Variants in OTOGL observed in about 807,000 individuals in gnomAD.
OTOGL encodes the protein otogelin-like protein.
In OTOGL, 285 loss-of-function variants were observed where a neutral mutation model predicts 318.5. The observed-to-expected ratio is 0.89, with a 90% CI of 0.81 to 0.99. The LOEUF (loss-of-function observed/expected upper bound fraction) is 0.99, where lower values mean the gene tolerates loss of function less well. OTOGL is among the 50% of genes least tolerant of loss of function. OTOGL has a pLI of 0.00. For synonymous variants in OTOGL, 987 were observed against 936.5 expected (o/e 1.05, Z -0.99); for missense variants, 2,899 against 2,845.6 (o/e 1.02, Z -0.43).
chr12:80,173,194 G>A (rs1874321358), intron 1 of OTOGL, among the ~76,000 whole-genome samples: 1 of 151,412 alleles, frequency 6.6e-6, no homozygotes, highest in South Asian at 2.1e-4. Flanking sequence ...TATAAAGGGA[G>A]AGCAAGTTTA....
chr12:80,331,441 A>G (rs1449025912), intron 37 of OTOGL, among the ~76,000 whole-genome samples: 1 of 149,068 alleles, frequency 6.7e-6, no homozygotes, highest in African/African-American at 2.5e-5. Flanking sequence ...CCCAAGTTCA[A>G]GCAACTCTCC....
chr12:80,141,410 G>A (rs529329040), intron 1 of OTOGL, among the ~76,000 whole-genome samples: 28 of 152,206 alleles, frequency 1.8e-4, no homozygotes, highest in Non-Finnish European at 3.8e-4. Flanking sequence ...TTTTAGGTAT[G>A]GAATATAGAA....
chr12:80,215,629 A>C (rs1018189631), intron 4 of OTOGL, among the ~76,000 whole-genome samples: 1 of 152,214 alleles, frequency 6.6e-6, no homozygotes, highest in Non-Finnish European at 1.5e-5. Context: ...GATAGGCCCT[A>C]TAAGGTAGAA....
intron 26 of OTOGL, among the ~76,000 whole-genome samples, chr12:80,295,545 T>C (rs1885336158): frequency 1.3e-5 from 2 of 152,324 alleles, no homozygotes; most frequent in East Asian, 3.9e-4. Context: ...TGTCTCAAAA[T>C]GGAAAAGATT....
intron 1 of OTOGL, among the ~76,000 whole-genome samples, chr12:80,161,634 T>G (rs1873523956): frequency 6.6e-6 from 1 of 152,092 alleles, no homozygotes; most frequent in African/African-American, 2.4e-5. Flanking sequence ...AAGGGTATCT[T>G]AGATAACTAA....
rs748137263 is a variant in OTOGL, at chr12:80,257,990, G to A, written c.1877G>A (p.Arg626Lys). The change falls in exon 18 of 59, where the codon AGG becomes AAG. Residue 626 changes from arginine (R) to lysine (K), a missense_variant. By Grantham distance (26) the Arg-to-Lys change is conservative (BLOSUM62 2). This residue lies in a region of OTOGL where 2,607 missense variants were observed against 2,524.9 expected (regional missense o/e 1.03). Coordinates refer to ENST00000547103, the MANE Select transcript of OTOGL (RefSeq NM_001378609.3). ...GLCGTFNGNIRDDFLSPSGMI... is the reference protein window; with the variant it reads ...GLCGTFNGNIKDDFLSPSGMI... ...TGTGGCACTTTTAATGGCAACATAA[G>A]GGATGATTTTCTGTAAGTATGATTT... 2.0e-5 allele frequency: 31 copies of A among 1,581,174 alleles called. No individual in the cohort carries two copies. In the East Asian group the frequency reaches 6.5e-4, roughly 33 times the overall value.
intron 3 of OTOGL, among the ~76,000 whole-genome samples, 165 bp from the exon 4 acceptor site, chr12:80,211,784 C>A (rs1877274136): frequency 6.6e-6 from 1 of 152,148 alleles, no homozygotes; most frequent in African/African-American, 2.4e-5. Context: ...CCAAATCTAA[C>A]CCCTCCAGAA....
chr12:80,160,092 C>T (rs745398792), intron 1 of OTOGL, among the ~76,000 whole-genome samples: 2 of 152,062 alleles, frequency 1.3e-5, no homozygotes, highest in South Asian at 4.1e-4. Context: ...ATACAAAAAT[C>T]AATCTGAGAT....
In OTOGL at chr12:80,320,591, G is replaced by A. The variant is rs770849803; in HGVS notation, c.3972G>A (p.Glu1324=). Residue 1324 remains glutamate, a synonymous_variant, in exon 34 of 59, where the codon GAG becomes GAA. Coordinates refer to ENST00000547103, the MANE Select transcript of OTOGL (RefSeq NM_001378609.3). ...GGATTCCTGGTTACAGTGCATTTGA[G>A]TTATACAGCAAGAAAGGCTTTTTCA... ...GLWIPGYSAF[E]LYSKKGFFII... The A allele has an allele frequency of 3.7e-6, 6 of 1,613,012 alleles. No individual in the cohort carries two copies. The Admixed American group carries it at 6.7e-5, about 18-fold the overall frequency.
chr12:80,367,304 G>GTA, intron 53 of OTOGL, among the ~76,000 whole-genome samples: 1 of 152,112 alleles, frequency 6.6e-6, no homozygotes, highest in Non-Finnish European at 1.5e-5. Flanking sequence ...TTGCTATAAA[G>GTA]TATAGCTTTT....
chr12:80,361,881 C>A (rs1221055429), intron 52 of OTOGL, among the ~76,000 whole-genome samples: 1 of 152,022 alleles, frequency 6.6e-6, no homozygotes, highest in African/African-American at 2.4e-5. Context: ...TGGATATTAA[C>A]CCATTATTTG....
chr12:80,259,070 G>A (rs1284250587), intron 18 of OTOGL, among the ~76,000 whole-genome samples: 1 of 151,476 alleles, frequency 6.6e-6, no homozygotes, highest in Non-Finnish European at 1.5e-5. Flanking sequence ...CTCTGTAAAT[G>A]TATATAATTT....
At chr12:80,104,652 C>G (rs1195787487) in intron 1 of OTOGL, among the ~76,000 whole-genome samples, 1 of 152,012 alleles carries the variant, frequency 6.6e-6, no homozygotes, top group Non-Finnish European at 1.5e-5. Context: ...TGGGAGAGAG[C>G]TGCCTAGTTG....
At chr12:80,295,428 C>T (rs564817571) in intron 26 of OTOGL, among the ~76,000 whole-genome samples, 21 of 152,230 alleles carry the variant, frequency 1.4e-4, no homozygotes, top group African/African-American at 3.9e-4. Context: ...CTGCCTGCCT[C>T]GGCCTCCCAA....
intron 32 of OTOGL, among the ~76,000 whole-genome samples, chr12:80,316,561 A>G (rs1886986185): frequency 6.6e-6 from 1 of 152,128 alleles, no homozygotes; most frequent in South Asian, 2.1e-4. Context: ...CATTTGTAAT[A>G]CCGTATTGAT....
intron 1 of OTOGL, among the ~76,000 whole-genome samples, chr12:80,202,089 C>T (rs1219091890): frequency 6.6e-6 from 1 of 152,100 alleles, no homozygotes; most frequent in African/African-American, 2.4e-5. Flanking sequence ...ACCAATAGAG[C>T]ACTTAATAGA....
In OTOGL at chr12:80,256,434, G is replaced by T. The variant is rs1279929440; in HGVS notation, c.1685G>T (p.Ser562Ile). The T allele has an allele frequency of 1.3e-6, 2 of 1,586,054 alleles. No individual in the cohort carries two copies. Among genetic ancestry groups the T allele is most frequent in the East Asian group, 4.5e-5 (2 of 44,578 alleles). Reference sequence around the variant, plus strand: ...GGTAGGGGAGGACAAATTCTCACTAGTCCTAACCAAGGCTTCAACCTGAAT... The same window carrying T: ...GGTAGGGGAGGACAAATTCTCACTATTCCTAACCAAGGCTTCAACCTGAAT... ...TLGRGGQILT[S>I]PNQGFNLNGI... The change falls in exon 17 of 59, where the codon AGT (serine) becomes ATT (isoleucine). Residue 562 changes from serine (S) to isoleucine (I), a missense_variant. Physicochemically the swap from Ser to Ile is moderately radical, Grantham distance 142. This residue lies in a region of OTOGL where 2,607 missense variants were observed against 2,524.9 expected (regional missense o/e 1.03). Transcript: ENST00000547103.
In OTOGL at chr12:80,336,485, C is replaced by T; in HGVS notation, c.4673C>T (p.Ala1558Val). ...AACAACGCAGCATTATATAGCATGG[C>T]TTCTTATATCTTAGTAAGAATTCCT... Reference protein sequence around the residue: ...DGNNAALYSMASYILVRIPGE... With the variant: ...DGNNAALYSMVSYILVRIPGE... Residue 1558 changes from alanine to valine, a missense_variant, in exon 40 of 59, where the codon GCT (alanine) becomes GTT (valine). Ala to Val is a moderately conservative substitution (Grantham distance 64, BLOSUM62 0). Coordinates refer to ENST00000547103, the MANE Select transcript of OTOGL (RefSeq NM_001378609.3). 1.2e-6 allele frequency: 2 copies of T among 1,608,042 alleles called. No individual in the cohort carries two copies. The highest frequency in any genetic ancestry group is 1.7e-6 in the Non-Finnish European group (2 of 1,175,162).
At chr12:80,329,015 TAC>T in intron 36 of OTOGL, 34 bp from the exon 37 acceptor site, 1 of 1,535,282 alleles carries the variant, frequency 6.5e-7, no homozygotes, top group Admixed American at 2.0e-5. Context: ...TTTATGCAAA[TAC>T]AGTTTTATAA....
Sources: gnomAD v4.1 joint callset for allele counts (sites outside exome capture counted in the v4.1 genomes callset) on GRCh38, gnomAD v4.1.1 for gene constraint, gnomAD v4.1.1 regional missense constraint, MANE v1.5 for transcripts, NCBI Gene and HGNC (gene_info 2026-07-23, HGNC 2026-07-21) for gene names.